Variants in KLF9 observed in about 807,000 individuals in gnomAD.
The protein encoded by KLF9 is Krueppel-like factor 9.
In KLF9, 2 loss-of-function variants were observed where a neutral mutation model predicts 17.3. The observed-to-expected ratio is 0.12, with a 90% CI of 0.05 to 0.36. The LOEUF is 0.36. Ranked by LOEUF, KLF9 falls within the 10% of genes least tolerant of loss-of-function variation. The pLI, the probability that KLF9 is intolerant of heterozygous loss-of-function variation, is 1.00. For synonymous variants in KLF9, 138 were observed against 139.2 expected, an observed-to-expected ratio of 0.99 and a Z score of 0.06; for missense variants, 226 against 333.2, an observed-to-expected ratio of 0.68 and a Z score of 2.51.
intron 1 of KLF9, among the ~76,000 whole-genome samples, chr9:70,403,270 T>C (rs1201748242): frequency 6.6e-6 from 1 of 152,196 alleles, no homozygotes; most frequent in Non-Finnish European, 1.5e-5. Flanking sequence ...AAATTTCCTT[T>C]TGGCAACAAC....
In KLF9 at chr9:70,385,501, A is replaced by G. The variant is rs1005799595; in HGVS notation, c.*2275T>C. 1 of 152,680 alleles carries G rather than the reference A, an allele frequency of 6.5e-6. No individual in the cohort carries two copies. Among genetic ancestry groups the G allele is most frequent in the African/African-American group, 2.4e-5 (1 of 41,478 alleles). 9.5% of individuals were successfully genotyped at this position (152,680 alleles called of 1,614,324 possible). A position where few individuals can be genotyped will look rare whatever the true frequency, so the allele number is the denominator to read the frequency against. On this transcript the variant is annotated 3_prime_UTR_variant, in exon 2 of 2. Transcript: ENST00000377126. The stretch of plus-strand genomic sequence containing the variant: ...CATCTAAGTGCTTGACAAAAGCCAC[A>G]TTTAGATTTACTCCTGAAACTATAA...
intron 1 of KLF9, among the ~76,000 whole-genome samples, chr9:70,409,122 G>GTA (rs1554708147): frequency 6.8e-4 from 52 of 76,966 alleles, no homozygotes; most frequent in African/African-American, 2.0e-3. Flanking sequence ...ATACATATAT[G>GTA]TATATATGTA....
At position 70,409,202 on chromosome 9, in the gene KLF9, A is replaced by G. The variant is rs1270356830; in HGVS notation, c.505+3657T>C. Among the ~76,000 whole-genome samples the G allele has an allele frequency of 1.2e-3, 105 of 89,130 alleles. 3 individuals carry two copies. Among genetic ancestry groups the G allele is most frequent in the Admixed American group, 2.0e-3 (17 of 8,702 alleles). 58.5% of individuals were successfully genotyped at this position (89,130 alleles called of 152,430 possible). On this transcript the variant is annotated intron_variant, in intron 1 of 1. Coordinates refer to ENST00000377126, the MANE Select transcript of KLF9 (RefSeq NM_001206.4). ...TATGTATACATATACATGTATATGT[A>G]TATATATATACATATATGTATATAT... is the stretch of plus-strand genomic sequence containing the variant.
At chr9:70,412,275 G>C (rs2037324099) in intron 1 of KLF9, among the ~76,000 whole-genome samples, 1 of 143,282 alleles carries the variant, frequency 7.0e-6, no homozygotes, top group East Asian at 2.2e-4. Flanking sequence ...ACCATTACTT[G>C]ATCAGACTCC....
At chr9:70,411,191 C>T (rs1051450212) in intron 1 of KLF9, among the ~76,000 whole-genome samples, 1 of 152,220 alleles carries the variant, frequency 6.6e-6, no homozygotes, top group Admixed American at 6.5e-5. Context: ...CGGACAGACT[C>T]TGGCAGCTCA....
chr9:70,393,416 A>G (rs73649109), intron 1 of KLF9, among the ~76,000 whole-genome samples: 3,793 of 152,242 alleles, frequency 0.025, 140 homozygotes, highest in African/African-American at 0.086. Flanking sequence ...CCAAGTGCCA[A>G]GCTTGCTCAC....
At chr9:70,394,563 CA>C (rs1403030478) in intron 1 of KLF9, among the ~76,000 whole-genome samples, 18 of 151,974 alleles carry the variant, frequency 1.2e-4, no homozygotes, top group Admixed American at 8.5e-4. Flanking sequence ...TAACATTTTC[CA>C]GGAAATACTA....
At chr9:70,390,252 G>A (rs143976746) in intron 1 of KLF9, among the ~76,000 whole-genome samples, 4 of 152,294 alleles carry the variant, frequency 2.6e-5, no homozygotes, top group African/African-American at 9.6e-5. Context: ...GCAGATCTAC[G>A]TATAAACCCT....
chr9:70,401,155 G>A (rs1277653140), intron 1 of KLF9, among the ~76,000 whole-genome samples: 1 of 140,788 alleles, frequency 7.1e-6, no homozygotes, highest in Admixed American at 7.3e-5. Flanking sequence ...GCAATATAGC[G>A]AGATCCCATC....
intron 1 of KLF9, among the ~76,000 whole-genome samples, chr9:70,403,597 G>T (rs1252735117): frequency 6.6e-6 from 1 of 152,164 alleles, no homozygotes; most frequent in Non-Finnish European, 1.5e-5. Context: ...CTGAGCCATG[G>T]AGAGGCAGAA....
intron 1 of KLF9, among the ~76,000 whole-genome samples, chr9:70,396,439 G>C (rs2037182184): frequency 6.6e-6 from 1 of 152,142 alleles, no homozygotes; most frequent in Non-Finnish European, 1.5e-5. Context: ...GAAGAACAAT[G>C]TATGATCAGC....
intron 1 of KLF9, among the ~76,000 whole-genome samples, chr9:70,407,097 G>A (rs764990319): frequency 3.3e-5 from 5 of 151,944 alleles, no homozygotes; most frequent in Admixed American, 1.3e-4. Context: ...GAAATCATCC[G>A]CCCACTTTTC....
intron 1 of KLF9, among the ~76,000 whole-genome samples, chr9:70,397,081 T>C (rs1211080325): frequency 6.6e-6 from 1 of 152,170 alleles, no homozygotes; most frequent in Non-Finnish European, 1.5e-5. Flanking sequence ...TTACTTTCTA[T>C]TGAGAAATTA....
chr9:70,390,951 T>C (rs1164542608), intron 1 of KLF9, among the ~76,000 whole-genome samples: 1 of 152,232 alleles, frequency 6.6e-6, no homozygotes, highest in Non-Finnish European at 1.5e-5. Context: ...CCTTCTGATG[T>C]GGCGGTGAGG....
In KLF9 at chr9:70,413,261, G is replaced by C. The variant is rs1260491323; in HGVS notation, c.103C>G (p.Arg35Gly). The change falls in exon 1 of 2, where the codon CGG (arginine) becomes GGG (glycine). Residue 35 changes from arginine to glycine, a missense_variant. Coordinates refer to ENST00000377126, the MANE Select transcript of KLF9 (RefSeq NM_001206.4). The surrounding 1 kb of genome is among the most constrained non-coding windows in gnomAD (Gnocchi z 5.6). The stretch of plus-strand genomic sequence containing the variant: ...ACCTCGCGCTCAGGTAGTCGCAGCC[G>C]CTCGGCGTCCGGAGCGACCCCATGC... ...PEHGVAPDAE[R>G]LRLPEREVTK... The C allele has an allele frequency of 1.9e-6, 3 of 1,613,486 alleles. No individual in the cohort carries two copies. Among genetic ancestry groups the C allele is most frequent in the Non-Finnish European group, 2.5e-6 (3 of 1,179,940 alleles).
In KLF9 at chr9:70,413,523, CG is replaced by C. The variant is rs1181442175; in HGVS notation, c.-161del. ...GCGGGGCGCTTCCGACTCGCAGGAGCGCCGAGGCGACCTCAGCCCCTCATCT... is the reference window on the plus strand; with the variant it reads ...GCGGGGCGCTTCCGACTCGCAGGAGCCCGAGGCGACCTCAGCCCCTCATCT... On this transcript the variant is annotated 5_prime_UTR_variant, in exon 1 of 2. Transcript: ENST00000377126. The surrounding 1 kb of genome is among the most constrained non-coding windows in gnomAD (Gnocchi z 5.6). The C allele has an allele frequency of 6.1e-6, 4 of 655,528 alleles. No individual in the cohort carries two copies. Among genetic ancestry groups the C allele is most frequent in the Non-Finnish European group, 8.3e-6 (4 of 480,420 alleles). 40.6% of individuals were successfully genotyped at this position (655,528 alleles called of 1,614,324 possible). A position where few individuals can be genotyped will look rare whatever the true frequency, so the allele number is the denominator to read the frequency against.
intron 1 of KLF9, among the ~76,000 whole-genome samples, chr9:70,406,980 T>C (rs1213610343): frequency 4.7e-5 from 7 of 148,780 alleles, no homozygotes; most frequent in Admixed American, 4.7e-4. Context: ...TAATGAAGAA[T>C]GCTAATGATC....
intron 1 of KLF9, among the ~76,000 whole-genome samples, chr9:70,399,944 C>G (rs2037210527): frequency 6.6e-6 from 1 of 152,148 alleles, no homozygotes; most frequent in African/African-American, 2.4e-5. Context: ...GCCAGATCTT[C>G]CAACCAAGAC....
At position 70,409,106 on chromosome 9, in the gene KLF9, A is replaced by G. The variant is rs11142409; in HGVS notation, c.505+3753T>C. Among the ~76,000 whole-genome samples the G allele has an allele frequency of 2.3e-3, 188 of 81,828 alleles. 5 individuals carry two copies. The highest frequency in any genetic ancestry group is 2.7e-3 in the Admixed American group (18 of 6,646). 53.7% of individuals were successfully genotyped at this position (81,828 alleles called of 152,430 possible). ...TACACATATATGTATATATATGTGT[A>G]TATATATACATATATGTATATATGT... On this transcript the variant is annotated intron_variant, in intron 1 of 1. Transcript: ENST00000377126.
Sources: allele counts gnomAD v4.1 joint callset (sites outside exome capture counted in the v4.1 genomes callset), GRCh38; gene constraint gnomAD v4.1.1; non-coding constraint Gnocchi (gnomAD v3.1); transcripts MANE v1.5; gene names NCBI Gene and HGNC (gene_info 2026-07-23, HGNC 2026-07-21).